The following ACOT7 variants were observed in gnomAD, a reference collection of about 807,000 sequenced individuals.
ACOT7 encodes the protein acyl-CoA thioesterase 7, also known as cytosolic acyl coenzyme A thioester hydrolase.
In ACOT7, 12 loss-of-function variants were observed where a neutral mutation model predicts 40.2. That is an observed-to-expected ratio of 0.30 (90% CI 0.19 to 0.48). ACOT7 has a LOEUF of 0.48. ACOT7 is among the 20% of genes least tolerant of loss of function. The pLI, the probability that ACOT7 is intolerant of heterozygous loss-of-function variation, is 0.99. For synonymous variants in ACOT7, 228 were observed against 219.5 expected (o/e 1.04, Z -0.34); for missense variants, 395 against 530.8 (o/e 0.74, Z 2.51).
rs1245205895 is a variant in ACOT7 at position 6,378,035 on chromosome 1, A to G, written c.143+15222T>C. Reference sequence around the variant, plus strand: ...CAGTGAGCCCAGATCGCACCACTGCACTCCAGCCTGGGCGACAGAGCAAGA... The same window carrying G: ...CAGTGAGCCCAGATCGCACCACTGCGCTCCAGCCTGGGCGACAGAGCAAGA... On this transcript the variant is annotated intron_variant, in intron 1 of 8. Coordinates refer to ENST00000361521, the MANE Select transcript of ACOT7 (RefSeq NM_007274.4). Among the ~76,000 whole-genome samples, 3 of 152,036 alleles carry G rather than the reference A, an allele frequency of 2.0e-5. No homozygotes were observed. The East Asian group carries it at 5.8e-4, about 29-fold the overall frequency.
intron 1 of ACOT7, among the ~76,000 whole-genome samples, chr1:6,360,897 T>A (rs1174244516): frequency 6.6e-6 from 1 of 152,128 alleles, no homozygotes; most frequent in Admixed American, 6.5e-5. Context: ...CACAACCAGA[T>A]GGTCCCGCAA....
In ACOT7 at chr1:6,307,229, C is replaced by T. The variant is rs148637797; in HGVS notation, c.712+11263G>A. Among the ~76,000 whole-genome samples the T allele has an allele frequency of 3.8e-3, 572 of 152,342 alleles. 5 individuals carry two copies. Among genetic ancestry groups the T allele is most frequent in the African/African-American group, 0.013 (549 of 41,566 alleles). ...GGTCACTGGTTCTCGAGTTAGAGAG[C>T]GGTCATTACGTGTTTCTCACGTGCA... On this transcript the variant is annotated intron_variant, in intron 6 of 8. Transcript: ENST00000361521.
At position 6,330,771 on chromosome 1, in the gene ACOT7, G is replaced by T. The variant is rs1394951939; in HGVS notation, c.510+2706C>A. On this transcript the variant is annotated intron_variant, in intron 4 of 8. Transcript: ENST00000361521. This position sits in a 1 kb window ranked among gnomAD's most constrained non-coding sequence, Gnocchi z 4.6. ...GGCCAAAAACCCAACAGCTCTTGGC[G>T]CATCGATCCTAAGCGACAAGGCAGC... 1.3e-5 allele frequency among the ~76,000 whole-genome samples: 2 copies of T among 152,126 alleles called. No homozygotes were observed. Among genetic ancestry groups the T allele is most frequent in the Non-Finnish European group, 2.9e-5 (2 of 68,012 alleles).
intron 5 of ACOT7, among the ~76,000 whole-genome samples, chr1:6,323,801 G>A (rs943051110): frequency 7.4e-6 from 1 of 135,912 alleles, no homozygotes; most frequent in African/African-American, 2.6e-5. Flanking sequence ...ATTGGACAAA[G>A]GACTTTTAAG....
chr1:6,385,701 C>A, intron 1 of ACOT7: 1 of 1,597,542 alleles, frequency 6.3e-7, no homozygotes, highest in Non-Finnish European at 8.5e-7. Flanking sequence ...TACCCAGTGA[C>A]AAGTATGATG....
chr1:6,282,123 T>A lies in ACOT7; in HGVS notation c.830-837A>T, dbSNP rs1005372985. Among the ~76,000 whole-genome samples, 1 of 152,082 alleles carries A rather than the reference T, an allele frequency of 6.6e-6. No individual in the cohort carries two copies. Among genetic ancestry groups the A allele is most frequent in the African/African-American group, 2.4e-5 (1 of 41,402 alleles). On this transcript the variant is annotated intron_variant, in intron 7 of 8. Coordinates refer to ENST00000361521, the MANE Select transcript of ACOT7 (RefSeq NM_007274.4). The surrounding 1 kb of genome is among the most constrained non-coding windows in gnomAD (Gnocchi z 4.5). ...ACGCTCCCCAGGGCACGACAGTCCATCCTGGCAGAAGCTTCCTGACCCAGA... is the reference window on the plus strand; with the variant it reads ...ACGCTCCCCAGGGCACGACAGTCCAACCTGGCAGAAGCTTCCTGACCCAGA...
chr1:6,284,182 G>C (rs1037764394), intron 7 of ACOT7, among the ~76,000 whole-genome samples: 9 of 152,096 alleles, frequency 5.9e-5, no homozygotes, highest in African/African-American at 1.7e-4. Flanking sequence ...ATGACACCAA[G>C]GTCTCACAGG....
At chr1:6,365,174 G>C (rs1329868377) in intron 1 of ACOT7, among the ~76,000 whole-genome samples, 1 of 152,190 alleles carries the variant, frequency 6.6e-6, no homozygotes, top group African/African-American at 2.4e-5. Context: ...TATAGTGACA[G>C]AAAGCAGATC....
chr1:6,282,693 C>A lies in ACOT7; in HGVS notation c.830-1407G>T. The A allele has an allele frequency of 7.7e-7, 1 of 1,297,388 alleles. No homozygotes were observed. Among genetic ancestry groups the A allele is most frequent in the Non-Finnish European group, 1.0e-6 (1 of 982,910 alleles). The allele number at this position is 1,297,388 out of a possible 1,614,324, so 80.4% of individuals were successfully genotyped here. A position where few individuals can be genotyped will look rare whatever the true frequency, so the allele number is the denominator to read the frequency against. ...TATTCCATGTTAAAAAGTATCAGAA[C>A]GATCCATGCTACATTCAACTTCATA... On this transcript the variant is annotated intron_variant, in intron 7 of 8. Transcript: ENST00000361521. This position sits in a 1 kb window ranked among gnomAD's most constrained non-coding sequence, Gnocchi z 4.5.
intron 1 of ACOT7, chr1:6,360,751 C>T: frequency 1.3e-6 from 2 of 1,577,516 alleles, no homozygotes; most frequent in Non-Finnish European, 1.7e-6. Context: ...TTGGACTTGG[C>T]CTCATCCCTC....
At chr1:6,329,394 C>A (rs937379895) in intron 4 of ACOT7, among the ~76,000 whole-genome samples, 3 of 152,190 alleles carry the variant, frequency 2.0e-5, no homozygotes, top group Admixed American at 6.5e-5. Flanking sequence ...TTCCACCGGC[C>A]AAGTAACGAC....
chr1:6,334,344 C>T lies in ACOT7; in HGVS notation c.419-776G>A, dbSNP rs143555488. Among the ~76,000 whole-genome samples, 209 of 152,366 alleles carry T rather than the reference C, an allele frequency of 1.4e-3. 1 individual carries two copies. In the Middle Eastern group the frequency reaches 0.031, roughly 22 times the overall value. The stretch of plus-strand genomic sequence containing the variant: ...CTGTCTAAGCACTGCCAAGAACTCC[C>T]GCCAAACGGGGAAGCCCAGAAAGAC... On this transcript the variant is annotated intron_variant, in intron 3 of 8. Transcript: ENST00000361521.
chr1:6,345,345 G>A (rs1254869184), intron 2 of ACOT7, among the ~76,000 whole-genome samples: 1 of 152,276 alleles, frequency 6.6e-6, no homozygotes, highest in Non-Finnish European at 1.5e-5. Context: ...AGCCAGGACA[G>A]CAGCTGCAGA....
At chr1:6,273,014 C>G (rs2148368159) in intron 8 of ACOT7, among the ~76,000 whole-genome samples, 1 of 152,366 alleles carries the variant, frequency 6.6e-6, no homozygotes, top group Middle Eastern at 3.4e-3. Flanking sequence ...CCCCCCAGGC[C>G]TGGCTCTGAG....
At chr1:6,388,598 G>C (rs1642480102) in intron 1 of ACOT7, among the ~76,000 whole-genome samples, 1 of 150,350 alleles carries the variant, frequency 6.7e-6, no homozygotes, top group Admixed American at 6.6e-5. Context: ...AATTAGCCGA[G>C]TGTGGTGGTG....
chr1:6,295,080 G>T, intron 6 of ACOT7, 100 bp from the exon 7 acceptor site: 1 of 865,062 alleles, frequency 1.2e-6, no homozygotes, highest in Non-Finnish European at 1.8e-6. Context: ...CCTCCCACTA[G>T]CCACCAGCAA....
intron 5 of ACOT7, among the ~76,000 whole-genome samples, chr1:6,326,770 A>C (rs1640807858): frequency 6.6e-6 from 1 of 152,114 alleles, no homozygotes; most frequent in South Asian, 2.1e-4. Flanking sequence ...TACTAAAAAT[A>C]CAAAAATTAG....
rs1436062455 is a variant in ACOT7, at chr1:6,306,253, A to G, written c.713-11273T>C. On this transcript the variant is annotated intron_variant, in intron 6 of 8. Coordinates refer to ENST00000361521, the MANE Select transcript of ACOT7 (RefSeq NM_007274.4). The surrounding 1 kb of genome is among the most constrained non-coding windows in gnomAD (Gnocchi z 4.3). ...GAGGGAGAGGACGTTCTTACGGTTCATGGCAAGACCTCAACCAAATACTCC... is the reference window on the plus strand; with the variant it reads ...GAGGGAGAGGACGTTCTTACGGTTCGTGGCAAGACCTCAACCAAATACTCC... 1.0e-6 allele frequency: 1 copy of G among 984,230 alleles called. No individual in the cohort carries two copies. Among genetic ancestry groups the G allele is most frequent in the Non-Finnish European group, 1.2e-6 (1 of 829,772 alleles). 61.0% of individuals were successfully genotyped at this position (984,230 alleles called of 1,614,324 possible). A position where few individuals can be genotyped will look rare whatever the true frequency, so the allele number is the denominator to read the frequency against.
chr1:6,339,515 C>A lies in ACOT7; in HGVS notation c.336G>T (p.Ala112=), dbSNP rs760397210. 3.3e-5 allele frequency: 53 copies of A among 1,613,582 alleles called. No homozygotes were observed. The highest frequency in any genetic ancestry group is 2.8e-4 in the Admixed American group (17 of 60,008). The change falls in exon 3 of 9, where the codon GCG becomes GCT. Residue 112 remains alanine (A), a synonymous_variant. Coordinates refer to ENST00000361521, the MANE Select transcript of ACOT7 (RefSeq NM_007274.4). The part of the protein sequence containing the change: ...FLSPMCIGEV[A]HVSAEITYTS... ...TGTAGGTGATCTCCGCGCTGACATG[C>A]GCCACCTCACCGATGCACATGGGAG...
Sources: gnomAD v4.1 joint callset for allele counts (sites outside exome capture counted in the v4.1 genomes callset) on GRCh38, gnomAD v4.1.1 for gene constraint, Gnocchi (gnomAD v3.1) non-coding constraint, MANE v1.5 for transcripts, NCBI Gene and HGNC (gene_info 2026-07-23, HGNC 2026-07-21) for gene names.